The following AVEN variants were observed in gnomAD, a reference collection of about 807,000 sequenced individuals.
AVEN encodes the protein apoptosis and caspase activation inhibitor.
In AVEN, 41 loss-of-function variants were observed where a neutral mutation model predicts 38.1. The observed-to-expected ratio is 1.08, with a 90% CI of 0.84 to 1.40. The LOEUF (loss-of-function observed/expected upper bound fraction) is 1.40. Ranked by LOEUF, AVEN falls within the 40% of genes most tolerant of loss-of-function variation. AVEN has a pLI of 0.00. For synonymous variants in AVEN, 206 were observed against 171.8 expected (o/e 1.20, Z -1.56); for missense variants, 605 against 438.8 (o/e 1.38, Z -3.38).
At chr15:34,062,572 A>AAAAAC (rs1900374803) in intron 5 of AVEN, 2 of 657,258 alleles carry the variant, frequency 3.0e-6, no homozygotes, top group Non-Finnish European at 4.7e-6. Flanking sequence ...AAAAAAAAAA[A>AAAAAC]AACTATAAAC....
rs1048388497 is a variant in AVEN, at chr15:34,038,963, C to T, written c.84G>A (p.Arg28=). ...GRPGGDRHSE[R]PGAAAAVARG... is the part of the protein sequence containing the mutation. ...TGGCTACCGCCGCTGCGGCTCCGGG[C>T]CGCTCGCTGTGGCGATCTCCGCCAG... Residue 28 remains arginine, a synonymous_variant, in exon 1 of 6, where the codon CGG becomes CGA. Coordinates refer to ENST00000306730, the MANE Select transcript of AVEN (RefSeq NM_020371.3). The T allele has an allele frequency of 2.6e-5, 29 of 1,109,608 alleles. No individual in the cohort carries two copies. The highest frequency in any genetic ancestry group is 2.8e-5 in the Non-Finnish European group (26 of 913,360). 68.7% of individuals were successfully genotyped at this position (1,109,608 alleles called of 1,614,324 possible).
chr15:33,984,440 T>C (rs926700555), intron 2 of AVEN, among the ~76,000 whole-genome samples: 2 of 152,038 alleles, frequency 1.3e-5, no homozygotes, highest in African/African-American at 4.8e-5. Flanking sequence ...TTCACTCTTG[T>C]TGCTCAGGCT....
intron 2 of AVEN, among the ~76,000 whole-genome samples, chr15:33,938,371 C>G (rs1280215969): frequency 1.3e-5 from 2 of 151,948 alleles, no homozygotes; most frequent in African/African-American, 2.4e-5. Context: ...AGGAGAATGG[C>G]GTGAACCCAG....
At chr15:34,060,256 G>C (rs1900290659) in intron 5 of AVEN, among the ~76,000 whole-genome samples, 1 of 152,134 alleles carries the variant, frequency 6.6e-6, no homozygotes, top group African/African-American at 2.4e-5. Context: ...GAATGGAGAG[G>C]GACCAAAAAG....
chr15:34,065,095 G>C (rs1157850528), intron 4 of AVEN: 1 of 165,796 alleles, frequency 6.0e-6, no homozygotes, highest in Non-Finnish European at 1.5e-5. Flanking sequence ...TCCACAGTCA[G>C]TTATTTTAGT....
At chr15:33,894,103 C>G (rs963159554) in intron 2 of AVEN, among the ~76,000 whole-genome samples, 2 of 151,978 alleles carry the variant, frequency 1.3e-5, no homozygotes, top group Admixed American at 6.6e-5. Flanking sequence ...GTCAGCACAA[C>G]CACACCCGGC....
intron 2 of AVEN, among the ~76,000 whole-genome samples, chr15:34,000,644 C>T (rs1229201628): frequency 6.6e-6 from 1 of 152,164 alleles, no homozygotes; most frequent in Admixed American, 6.5e-5. Context: ...ACACTGCATA[C>T]TCTAGAATTT....
chr15:34,049,881 A>G (rs1404527482), intron 5 of AVEN, among the ~76,000 whole-genome samples: 14 of 139,584 alleles, frequency 1.0e-4, no homozygotes, highest in Non-Finnish European at 2.0e-4. Flanking sequence ...CCAATAATCA[A>G]CATCAACTTT....
intron 2 of AVEN, among the ~76,000 whole-genome samples, chr15:33,911,324 C>A (rs945380099): frequency 1.3e-5 from 2 of 152,134 alleles, no homozygotes; most frequent in East Asian, 3.8e-4. Context: ...AGAAAGATAT[C>A]CAGAGCACGC....
chr15:33,894,362 T>A (rs979084698), intron 2 of AVEN, among the ~76,000 whole-genome samples: 1 of 151,948 alleles, frequency 6.6e-6, no homozygotes, highest in East Asian at 1.9e-4. Flanking sequence ...TGCAGCTACA[T>A]AACAGGAAGG....
downstream of AVEN, chr15:33,856,540 C>A (rs527371277): frequency 6.6e-6 from 1 of 152,306 alleles, no homozygotes; most frequent in Admixed American, 6.5e-5. Flanking sequence ...CTCAGCTCCA[C>A]CATCATAATT....
intron 1 of AVEN, among the ~76,000 whole-genome samples, chr15:34,016,991 C>T (rs115809871): frequency 0.026 from 3,535 of 137,662 alleles, 154 homozygotes; most frequent in African/African-American, 0.082. Flanking sequence ...ATTAGCCAGG[C>T]ATGGTGGCAC....
chr15:34,024,664 A>C (rs1379020560), intron 1 of AVEN, among the ~76,000 whole-genome samples: 1 of 150,500 alleles, frequency 6.6e-6, no homozygotes, highest in Non-Finnish European at 1.5e-5. Flanking sequence ...CAGCCTGACC[A>C]ACATGGTGAA....
chr15:33,902,993 C>T (rs1252764775), intron 2 of AVEN, among the ~76,000 whole-genome samples: 1 of 152,162 alleles, frequency 6.6e-6, no homozygotes, highest in African/African-American at 2.4e-5. Flanking sequence ...CTTTTGGCCG[C>T]CAGGATCTGA....
At chr15:33,885,963 G>C (rs1425713929) in intron 2 of AVEN, among the ~76,000 whole-genome samples, 4 of 152,156 alleles carry the variant, frequency 2.6e-5, no homozygotes, top group East Asian at 1.9e-4. Context: ...TCCAAGATGA[G>C]AGTAGATGAC....
intron 2 of AVEN, among the ~76,000 whole-genome samples, chr15:33,962,899 G>A (rs1219963222): frequency 8.7e-5 from 11 of 126,136 alleles, no homozygotes; most frequent in East Asian, 2.3e-4. Context: ...CAGCCTGGGC[G>A]ACACAGCGAA....
intron 5 of AVEN, 101 bp downstream of exon 5, chr15:33,867,394 G>A (rs1890647879): frequency 1.4e-6 from 2 of 1,450,168 alleles, no homozygotes; most frequent in South Asian, 1.4e-5. Flanking sequence ...CTGGATCAAT[G>A]TCAGACACCC....
chr15:34,028,616 A>ATG lies in AVEN; in HGVS notation c.267+10163_267+10164insCA, dbSNP rs1486688203. ...AAGAAGACCCTGAATGAGAGAGGAC[A>ATG]GCAAAGTGGCAAAGTGACTATAAAT... On this transcript the variant is annotated intron_variant, in intron 1 of 5. Transcript: ENST00000306730. 2.7e-3 allele frequency among the ~76,000 whole-genome samples: 410 copies of ATG among 152,340 alleles called. 1 individual carries two copies. The highest frequency in any genetic ancestry group is 7.2e-3 in the Admixed American group (110 of 15,292).
chr15:33,854,211 T>A (rs1195646345), downstream of AVEN, among the ~76,000 whole-genome samples: 2 of 123,484 alleles, frequency 1.6e-5, no homozygotes, highest in Non-Finnish European at 3.5e-5. Context: ...AAAAAAAAAA[T>A]TCAGGCTATG....
Sources: allele counts gnomAD v4.1 joint callset (sites outside exome capture counted in the v4.1 genomes callset), GRCh38; gene constraint gnomAD v4.1.1; transcripts MANE v1.5; gene names NCBI Gene and HGNC (gene_info 2026-07-23, HGNC 2026-07-21).